FZD6: variants seen among roughly 807,000 people sequenced by gnomAD.
FZD6 encodes frizzled class receptor 6.
In FZD6, 49 loss-of-function variants were observed where a neutral mutation model predicts 61.4. The observed-to-expected ratio is 0.80, with a 90% CI of 0.63 to 1.01. FZD6 has a LOEUF of 1.01. Ranked by LOEUF, FZD6 falls within the 50% of genes least tolerant of loss-of-function variation. FZD6 has a pLI of 0.00. For missense variants in FZD6, 724 were observed against 848.2 expected (o/e 0.85, Z 1.82); for synonymous variants, 265 against 292.2 (o/e 0.91, Z 0.95).
At chr8:103,305,701 C>T (rs1434156030) in intron 2 of FZD6, among the ~76,000 whole-genome samples, 3 of 152,194 alleles carry the variant, frequency 2.0e-5, no homozygotes, top group Admixed American at 6.5e-5. Context: ...TGTATAATGA[C>T]TACTGTTGTG....
chr8:103,298,667 A>G (rs1233740442), upstream of FZD6: 5 of 151,838 alleles, frequency 3.3e-5, no homozygotes, highest in Admixed American at 6.6e-5. Flanking sequence ...CCGGCCCCGC[A>G]GCCGGACCTC....
At position 103,331,450 on chromosome 8, in the gene FZD6, G is replaced by C; in HGVS notation, c.2062G>C (p.Val688Leu). The change falls in exon 7 of 7, where the codon GTT becomes CTT. Residue 688 changes from valine to leucine, a missense_variant. Physicochemically the swap from Val to Leu is conservative, Grantham distance 32. Coordinates refer to ENST00000358755, the MANE Select transcript of FZD6 (RefSeq NM_003506.4). Reference sequence around the variant, plus strand: ...CCTCAAAGGTTCCACATCTCTGCTTGTTCACCCGGTTTCAGGAGTGAGAAA... The same window carrying C: ...CCTCAAAGGTTCCACATCTCTGCTTCTTCACCCGGTTTCAGGAGTGAGAAA... ...SSLKGSTSLL[V>L]HPVSGVRKEQ... 2 of 1,611,276 alleles carry C rather than the reference G, an allele frequency of 1.2e-6. No individual in the cohort carries two copies. Among genetic ancestry groups the C allele is most frequent in the Non-Finnish European group, 1.7e-6 (2 of 1,177,460 alleles).
intron 3 of FZD6, among the ~76,000 whole-genome samples, chr8:103,320,808 G>C (rs1181973912): frequency 1.3e-5 from 2 of 152,130 alleles, no homozygotes; most frequent in Non-Finnish European, 2.9e-5. Flanking sequence ...AAGCCAGAGT[G>C]TGGATAGCTT....
intron 2 of FZD6, among the ~76,000 whole-genome samples, chr8:103,317,347 G>A (rs1814655438): frequency 6.6e-6 from 1 of 152,182 alleles, no homozygotes; most frequent in Non-Finnish European, 1.5e-5. Context: ...AAAAGACTTT[G>A]GAATTTATTT....
At chr8:103,314,592 G>A (rs574445314) in intron 2 of FZD6, among the ~76,000 whole-genome samples, 5 of 152,286 alleles carry the variant, frequency 3.3e-5, no homozygotes, top group African/African-American at 1.2e-4. Context: ...TGTCAACCAT[G>A]GCAACCCTGT....
intron 2 of FZD6, chr8:103,307,669 A>G: frequency 2.3e-6 from 1 of 431,512 alleles, no homozygotes; most frequent in South Asian, 1.7e-5. Flanking sequence ...ATAGCTCTTA[A>G]TTCTTTTAAC....
In FZD6 at chr8:103,324,842, C is replaced by T. The variant is rs764751010; in HGVS notation, c.736C>T (p.Leu246Phe). The T allele has an allele frequency of 6.2e-7, 1 of 1,613,736 alleles. No individual in the cohort carries two copies. The change falls in exon 4 of 7, where the codon CTT (leucine) becomes TTT (phenylalanine). Residue 246 changes from leucine (L) to phenylalanine (F), a missense_variant. Physicochemically the swap from Leu to Phe is conservative, Grantham distance 22. Transcript: ENST00000358755. Reference sequence around the variant, plus strand: ...CTCTGTCTGTTACAGCATTGTATCTCTTATGTACTTCATTGGATTTTTGCT... The same window carrying T: ...CTCTGTCTGTTACAGCATTGTATCTTTTATGTACTTCATTGGATTTTTGCT... ...YYSVCYSIVS[L>F]MYFIGFLLGD...
intron 2 of FZD6, among the ~76,000 whole-genome samples, chr8:103,308,190 C>T (rs1814395457): frequency 6.6e-6 from 1 of 152,194 alleles, no homozygotes. Context: ...GGCTGATTGA[C>T]ATCCACAGAG....
rs762249250 is a variant in FZD6 at position 103,331,407 on chromosome 8, T to C, written c.2019T>C (p.Ser673=). 3.2e-5 allele frequency: 52 copies of C among 1,611,074 alleles called. No individual in the cohort carries two copies. The highest frequency in any genetic ancestry group is 4.4e-5 in the Non-Finnish European group (52 of 1,177,228). The change falls in exon 7 of 7, where the codon AGT becomes AGC. Residue 673 remains serine (S), a synonymous_variant. Transcript: ENST00000358755. ...LAQSNNLQVP[S]SSEPSSLKGS... ...AGAGCAACAATTTGCAGGTCCCCAG[T>C]TCTTCAGAACCAAGCAGCCTCAAAG...
In FZD6 at chr8:103,326,171, C is replaced by T. The variant is rs932492330; in HGVS notation, c.1392+673C>T. On this transcript the variant is annotated intron_variant, in intron 4 of 6. Transcript: ENST00000358755. ...TTTAGACATTATTCCTGACTCTGTG[C>T]GGTATTAACTGCATTGAACATGAGC... Among the ~76,000 whole-genome samples the T allele has an allele frequency of 2.8e-4, 43 of 152,150 alleles. No individual in the cohort carries two copies. In the Middle Eastern group the frequency reaches 0.01, roughly 36 times the overall value.
chr8:103,318,304 G>A (rs1344002180), intron 2 of FZD6, among the ~76,000 whole-genome samples: 5 of 152,204 alleles, frequency 3.3e-5, no homozygotes, highest in Non-Finnish European at 5.9e-5. Flanking sequence ...TAAGAGCTGA[G>A]TAGAAGGGAT....
At chr8:103,315,128 C>T (rs902764490) in intron 2 of FZD6, among the ~76,000 whole-genome samples, 3 of 152,034 alleles carry the variant, frequency 2.0e-5, no homozygotes, top group South Asian at 2.1e-4. Context: ...AATGGCATTT[C>T]GAGTGGAAGG....
chr8:103,299,835 A>G, intron 1 of FZD6, 121 bp from the exon 2 acceptor site: 2 of 417,144 alleles, frequency 4.8e-6, no homozygotes, highest in Non-Finnish European at 9.0e-6. Context: ...TCGTTAGGAC[A>G]GAATTTTCCG....
intron 2 of FZD6, among the ~76,000 whole-genome samples, chr8:103,318,333 G>A (rs1814687874): frequency 6.6e-6 from 1 of 152,170 alleles, no homozygotes; most frequent in Non-Finnish European, 1.5e-5. Context: ...TTTACCATCA[G>A]ATTTGACAAT....
intron 2 of FZD6, among the ~76,000 whole-genome samples, chr8:103,308,938 G>T (rs1425772848): frequency 6.6e-6 from 1 of 152,172 alleles, no homozygotes; most frequent in Admixed American, 6.5e-5. Context: ...TAGGGTACAT[G>T]TCTATGGCCT....
At chr8:103,331,008 T>C (rs2130349410) in intron 6 of FZD6, among the ~76,000 whole-genome samples, 1 of 152,272 alleles carries the variant, frequency 6.6e-6, no homozygotes, top group African/African-American at 2.4e-5. Context: ...AAACCCCATC[T>C]CTACTGAAAA....
At chr8:103,322,036 G>A (rs977749095) in intron 3 of FZD6, among the ~76,000 whole-genome samples, 3 of 152,088 alleles carry the variant, frequency 2.0e-5, no homozygotes, top group African/African-American at 7.2e-5. Context: ...ATTTATCAGA[G>A]GCCTTTCCAT....
At chr8:103,319,772 A>C (rs1305365246) in intron 3 of FZD6, among the ~76,000 whole-genome samples, 1 of 152,252 alleles carries the variant, frequency 6.6e-6, no homozygotes, top group Non-Finnish European at 1.5e-5. Flanking sequence ...AGGTGCTGCC[A>C]GTCAAAAAGA....
chr8:103,327,766 T>TA (rs1181949873), intron 4 of FZD6, among the ~76,000 whole-genome samples: 3 of 152,118 alleles, frequency 2.0e-5, no homozygotes, highest in African/African-American at 7.2e-5. Context: ...TATGCCTGAA[T>TA]AAAAAGTATA....
Sources: gnomAD v4.1 joint callset for allele counts (sites outside exome capture counted in the v4.1 genomes callset) on GRCh38, gnomAD v4.1.1 for gene constraint, MANE v1.5 for transcripts, NCBI Gene and HGNC (gene_info 2026-07-23, HGNC 2026-07-21) for gene names.